The following FAM174A variants were observed in gnomAD, a reference collection of about 807,000 sequenced individuals.
The protein encoded by FAM174A is membrane protein FAM174A.
FAM174A carries 14 observed loss-of-function variants against 14.3 expected under a neutral mutation model. That is an observed-to-expected ratio of 0.98 (90% CI 0.65 to 1.53). The LOEUF (loss-of-function observed/expected upper bound fraction) is 1.53, where lower values mean the gene tolerates loss of function less well. Ranked by LOEUF, FAM174A falls within the 40% of genes most tolerant of loss-of-function variation. FAM174A has a pLI of 0.00. For synonymous variants in FAM174A, 108 were observed against 111.4 expected (o/e 0.97, Z 0.19); for missense variants, 241 against 249.6 (o/e 0.97, Z 0.23).
intron 1 of FAM174A, among the ~76,000 whole-genome samples, chr5:100,539,862 A>G (rs976979524): frequency 6.6e-6 from 1 of 152,224 alleles, no homozygotes; most frequent in African/African-American, 2.4e-5. Flanking sequence ...TTTAAAACAC[A>G]TGATTTTGTT....
At chr5:100,550,269 A>G (rs1391966687) in intron 1 of FAM174A, among the ~76,000 whole-genome samples, 1 of 152,124 alleles carries the variant, frequency 6.6e-6, no homozygotes, top group Non-Finnish European at 1.5e-5. Flanking sequence ...ATATTCCAGT[A>G]CTTTATTTTT....
chr5:100,557,833 T>C (rs899548907), intron 1 of FAM174A, among the ~76,000 whole-genome samples: 1 of 152,200 alleles, frequency 6.6e-6, no homozygotes, highest in Non-Finnish European at 1.5e-5. Flanking sequence ...TCTCTTTTTT[T>C]CTTTATTAGT....
chr5:100,573,153 C>A (rs951991238), intron 2 of FAM174A, among the ~76,000 whole-genome samples: 586 of 152,144 alleles, frequency 3.9e-3, no homozygotes, highest in African/African-American at 0.013. Context: ...TGGATATTAG[C>A]CCTTTGTCAG....
intron 2 of FAM174A, among the ~76,000 whole-genome samples, chr5:100,583,109 A>T (rs750258571): frequency 2.0e-5 from 3 of 152,204 alleles, no homozygotes; most frequent in Non-Finnish European, 4.4e-5. Context: ...ATCATAAGGA[A>T]GAGAAAATAT....
intron 2 of FAM174A, among the ~76,000 whole-genome samples, chr5:100,572,714 A>G (rs1376816849): frequency 3.3e-5 from 5 of 152,120 alleles, no homozygotes; most frequent in South Asian, 2.1e-4. Context: ...ATAAACATAC[A>G]TGTGCACGTG....
chr5:100,570,962 T>C (rs570204813), intron 2 of FAM174A, among the ~76,000 whole-genome samples: 1 of 151,946 alleles, frequency 6.6e-6, no homozygotes, highest in African/African-American at 2.4e-5. Context: ...TTTTCCTTTC[T>C]GTAAATAAAC....
chr5:100,536,358 A>G (rs893544452), intron 1 of FAM174A, among the ~76,000 whole-genome samples: 1 of 152,048 alleles, frequency 6.6e-6, no homozygotes, highest in African/African-American at 2.4e-5. Context: ...CAGAATGCAA[A>G]CTCTTTAAAG....
intron 2 of FAM174A, among the ~76,000 whole-genome samples, chr5:100,570,602 T>A (rs1746759484): frequency 6.6e-6 from 1 of 151,948 alleles, no homozygotes; most frequent in African/African-American, 2.4e-5. Context: ...AGCTATATAA[T>A]GCCTACATCT....
chr5:100,559,451 G>A (rs536523663), intron 1 of FAM174A, among the ~76,000 whole-genome samples: 272 of 152,014 alleles, frequency 1.8e-3, no homozygotes, highest in African/African-American at 6.1e-3. Flanking sequence ...TCTTTGTGGC[G>A]TTCTCTGTAT....
At position 100,535,836 on chromosome 5, in the gene FAM174A, A is replaced by G; in HGVS notation, c.306A>G (p.Glu102=). The G allele has an allele frequency of 6.2e-7, 1 of 1,611,908 alleles. No individual in the cohort carries two copies. The highest frequency in any genetic ancestry group is 8.5e-7 in the Non-Finnish European group (1 of 1,179,882). ...ACGATCACGGAGGGAAGGCCGGGGA[A>G]GGCTCGGTGGGTGGCGGCCTTGCTG... ...ETDDHGGKAG[E]GSVGGGLAVS... is the part of the protein sequence containing the mutation. The change falls in exon 1 of 3, where the codon GAA becomes GAG. Residue 102 remains glutamate, a synonymous_variant. Transcript: ENST00000312637.
At chr5:100,546,396 G>T (rs925747506) in intron 1 of FAM174A, among the ~76,000 whole-genome samples, 2 of 152,116 alleles carry the variant, frequency 1.3e-5, no homozygotes, top group Non-Finnish European at 1.5e-5. Flanking sequence ...GGAGGCAGGG[G>T]GAGGGAGGTC....
At position 100,552,309 on chromosome 5, in the gene FAM174A, T is replaced by A. The variant is rs191458022; in HGVS notation, c.435-9745T>A. The stretch of plus-strand genomic sequence containing the variant: ...TTTCTAAGAATAGTCAAGAAAAAAA[T>A]TTTATTTTAGTTATAGATTATTATT... On this transcript the variant is annotated intron_variant, in intron 1 of 2. Coordinates refer to ENST00000312637, the MANE Select transcript of FAM174A (RefSeq NM_198507.3). Among the ~76,000 whole-genome samples, 753 of 152,172 alleles carry A rather than the reference T, an allele frequency of 4.9e-3. 8 individuals are homozygous for A. The highest frequency in any genetic ancestry group is 0.017 in the African/African-American group (703 of 41,530).
At chr5:100,582,767 A>G (rs1328311961) in intron 2 of FAM174A, among the ~76,000 whole-genome samples, 11 of 152,176 alleles carry the variant, frequency 7.2e-5, no homozygotes, top group Admixed American at 7.2e-4. Flanking sequence ...TGATTGTTTT[A>G]TAGATTATAC....
chr5:100,559,223 C>A (rs188856170), intron 1 of FAM174A, among the ~76,000 whole-genome samples: 1 of 152,206 alleles, frequency 6.6e-6, no homozygotes, highest in East Asian at 1.9e-4. Context: ...ATATGAAATT[C>A]GTGGTTGAAA....
At chr5:100,578,674 T>A (rs1231393533) in intron 2 of FAM174A, among the ~76,000 whole-genome samples, 1 of 152,218 alleles carries the variant, frequency 6.6e-6, no homozygotes, top group Non-Finnish European at 1.5e-5. Context: ...ATTTTTTTGA[T>A]CACCATCATC....
At chr5:100,555,801 G>T (rs1175769240) in intron 1 of FAM174A, among the ~76,000 whole-genome samples, 8 of 150,846 alleles carry the variant, frequency 5.3e-5, no homozygotes, top group African/African-American at 1.5e-4. Flanking sequence ...AGTTTTCTTT[G>T]AGTTTTTTTC....
chr5:100,576,252 T>A (rs1746901862), intron 2 of FAM174A, among the ~76,000 whole-genome samples: 1 of 151,960 alleles, frequency 6.6e-6, no homozygotes, highest in African/African-American at 2.4e-5. Context: ...AAAGGAAGTG[T>A]TTTTTTTCAT....
intron 1 of FAM174A, among the ~76,000 whole-genome samples, chr5:100,553,107 A>G (rs558253000): frequency 2.8e-4 from 42 of 152,216 alleles, no homozygotes; most frequent in South Asian, 8.3e-4. Flanking sequence ...CAACACACAT[A>G]TAGATGAGTT....
At chr5:100,544,155 G>A (rs991744432) in intron 1 of FAM174A, among the ~76,000 whole-genome samples, 10 of 152,076 alleles carry the variant, frequency 6.6e-5, no homozygotes, top group South Asian at 2.1e-4. Context: ...TGAATCCAGG[G>A]GTTGAGACCA....
Sources: allele counts gnomAD v4.1 joint callset (sites outside exome capture counted in the v4.1 genomes callset), GRCh38; gene constraint gnomAD v4.1.1; transcripts MANE v1.5; gene names NCBI Gene and HGNC (gene_info 2026-07-23, HGNC 2026-07-21).